The following KCNK5 variants were observed in gnomAD, a reference collection of about 807,000 sequenced individuals.
KCNK5 encodes the protein potassium channel subfamily K member 5.
A neutral mutation model predicts 32.9 loss-of-function variants in KCNK5; 18 were observed. That is an observed-to-expected ratio of 0.55 (90% confidence interval 0.38 to 0.81). KCNK5 has a LOEUF of 0.81. Ranked by LOEUF, KCNK5 falls within the 30% of genes least tolerant of loss-of-function variation. The pLI is 0.00. For synonymous variants in KCNK5, 276 were observed against 275.3 expected (o/e 1.00, Z -0.03); for missense variants, 507 against 651.0 (o/e 0.78, Z 2.41).
At position 39,191,751 on chromosome 6, in the gene KCNK5, C is replaced by T. The variant is rs779431095; in HGVS notation, c.639G>A (p.Val213=). The change falls in exon 5 of 5, where the codon GTG becomes GTA. Residue 213 remains valine, a synonymous_variant. Coordinates refer to ENST00000359534, the MANE Select transcript of KCNK5 (RefSeq NM_003740.4). The surrounding 1 kb of genome is among the most constrained non-coding windows in gnomAD (Gnocchi z 5.8). ...GGGCGTGGTAGTTGGCGCTGGGGTT[C>T]ACACCTGAGCGGACAGGCAGTCCAG... ...TIGFGDFVAG[V]NPSANYHALY... The T allele has an allele frequency of 9.3e-6, 15 of 1,609,528 alleles. No homozygotes were observed. The African/African-American group carries it at 1.7e-4, about 19-fold the overall frequency.
Position 39,191,178 on chromosome 6 carries a change from T to C in KCNK5, c.1212A>G (p.Pro404=). The change falls in exon 5 of 5, where the codon CCA becomes CCG. Residue 404 remains proline, a synonymous_variant. Transcript: ENST00000359534. This position sits in a 1 kb window ranked among gnomAD's most constrained non-coding sequence, Gnocchi z 5.8. The stretch of plus-strand genomic sequence containing the variant: ...GTGGGTGGTAGTCCTGGGCGTCCCA[T>C]GGCTCGCATTCCTCGCTGATGCGGT... The part of the protein sequence containing the change: ...QLDRISEECE[P]WDAQDYHPLI... The C allele has an allele frequency of 1.2e-6, 2 of 1,614,222 alleles. No homozygotes were observed. The highest frequency in any genetic ancestry group is 1.7e-6 in the Non-Finnish European group (2 of 1,180,026).
chr6:39,223,062 G>A (rs12526185), intron 1 of KCNK5, among the ~76,000 whole-genome samples: 6,069 of 152,240 alleles, frequency 0.04, 166 homozygotes, highest in South Asian at 0.098. Context: ...TTCAGTTGAC[G>A]TTCTCTCTGT....
At chr6:39,221,931 A>G (rs1252059602) in intron 1 of KCNK5, among the ~76,000 whole-genome samples, 3 of 152,150 alleles carry the variant, frequency 2.0e-5, no homozygotes, top group Non-Finnish European at 2.9e-5. Context: ...CCTCAGCTGC[A>G]CTGATCTCCA....
At chr6:39,205,983 C>T (rs535669189) in intron 1 of KCNK5, among the ~76,000 whole-genome samples, 28 of 152,350 alleles carry the variant, frequency 1.8e-4, no homozygotes, top group African/African-American at 6.5e-4. Context: ...GCACCTCTCA[C>T]ACCCATAACT....
intron 1 of KCNK5, among the ~76,000 whole-genome samples, chr6:39,227,610 G>T (rs1007322675): frequency 1.3e-5 from 2 of 152,112 alleles, no homozygotes; most frequent in Admixed American, 1.3e-4. Context: ...GGACCCCTTG[G>T]AGGACAAGTC....
chr6:39,202,622 A>G (rs2815109), intron 1 of KCNK5, among the ~76,000 whole-genome samples: 133,876 of 152,208 alleles, frequency 0.88, 59,317 homozygotes, highest in East Asian at 0.96. Context: ...GAGGGCAGTA[A>G]ATGTACCGAG....
chr6:39,211,415 C>T (rs1332512298), intron 1 of KCNK5, among the ~76,000 whole-genome samples: 4 of 152,160 alleles, frequency 2.6e-5, no homozygotes, highest in Admixed American at 6.5e-5. Flanking sequence ...CCAGGGGGTG[C>T]GCTCGCCTCG....
At chr6:39,223,460 A>G (rs1012171727) in intron 1 of KCNK5, among the ~76,000 whole-genome samples, 16 of 152,194 alleles carry the variant, frequency 1.1e-4, no homozygotes, top group Non-Finnish European at 1.6e-4. Flanking sequence ...TCTCAAAGAG[A>G]TTCGCTTCCA....
Position 39,194,807 on chromosome 6 carries a change from C to A in KCNK5, c.299-47G>T. The A allele has an allele frequency of 6.4e-7, 1 of 1,569,556 alleles. No individual in the cohort carries two copies. Among genetic ancestry groups the A allele is most frequent in the Non-Finnish European group, 8.8e-7 (1 of 1,142,766 alleles). ...CCAAGAACAGGAGGGGTGGTCAAAC[C>A]AGTGGGCCTTGCTTCCAACACACAC... is the stretch of plus-strand genomic sequence containing the variant. On this transcript the variant is annotated intron_variant, in intron 2 of 4. Transcript: ENST00000359534. This position sits in a 1 kb window ranked among gnomAD's most constrained non-coding sequence, Gnocchi z 4.7.
intron 1 of KCNK5, among the ~76,000 whole-genome samples, chr6:39,197,035 A>G (rs747599275): frequency 1.3e-5 from 2 of 152,150 alleles, no homozygotes; most frequent in Non-Finnish European, 2.9e-5. Context: ...CCCAGAAGTC[A>G]CATAAGAAGG....
rs145388113 is a variant in KCNK5, at chr6:39,191,428, G to A, written c.962C>T (p.Thr321Met). 16 of 1,612,434 alleles carry A rather than the reference G, an allele frequency of 9.9e-6. No homozygotes were observed. The highest frequency in any genetic ancestry group is 8.0e-5 in the African/African-American group (6 of 74,834). ...KAMKTSGGGE[T>M]GPGPGLGPQG... ...AGGCCCCAGCCCTGGGCCCGGGCCC[G>A]TCTCCCCACCCCCGCTTGTCTTCAT... is the stretch of plus-strand genomic sequence containing the variant. Residue 321 changes from threonine (T) to methionine (M), a missense_variant, in exon 5 of 5, where the codon ACG becomes ATG. Transcript: ENST00000359534. This position sits in a 1 kb window ranked among gnomAD's most constrained non-coding sequence, Gnocchi z 5.8.
chr6:39,220,434 G>A (rs1376637432), intron 1 of KCNK5, among the ~76,000 whole-genome samples: 1 of 152,196 alleles, frequency 6.6e-6, no homozygotes, highest in Non-Finnish European at 1.5e-5. Flanking sequence ...TGAGGGCCCA[G>A]CTCTGATCCC....
At chr6:39,211,531 A>G (rs1051741537) in intron 1 of KCNK5, among the ~76,000 whole-genome samples, 2 of 152,360 alleles carry the variant, frequency 1.3e-5, no homozygotes, top group South Asian at 2.1e-4. Context: ...GTTCTGGCCC[A>G]ATACTCTAGT....
rs1337652136 is a variant in KCNK5, at chr6:39,194,048, C to T, written c.634+121G>A. ...GCAAATGGCAGAGTGGGTTGAGAAT[C>T]CCACTGGGTAAGAGAAGTGCCCAGA... On this transcript the variant is annotated intron_variant, in intron 4 of 4. Coordinates refer to ENST00000359534, the MANE Select transcript of KCNK5 (RefSeq NM_003740.4). The surrounding 1 kb of genome is among the most constrained non-coding windows in gnomAD (Gnocchi z 4.7). 2.7e-5 allele frequency: 28 copies of T among 1,052,630 alleles called. No homozygotes were observed. The highest frequency in any genetic ancestry group is 3.9e-5 in the Non-Finnish European group (27 of 696,934). The allele number at this position is 1,052,630 out of a possible 1,614,324, so 65.2% of individuals were successfully genotyped here. A position where few individuals can be genotyped will look rare whatever the true frequency, so the allele number is the denominator to read the frequency against.
chr6:39,206,099 A>G (rs1771220036), intron 1 of KCNK5, among the ~76,000 whole-genome samples: 1 of 152,188 alleles, frequency 6.6e-6, no homozygotes, highest in Admixed American at 6.5e-5. Context: ...GAGGCTAGAA[A>G]GATGGTGAAG....
intron 1 of KCNK5, among the ~76,000 whole-genome samples, chr6:39,226,772 A>T (rs1170504917): frequency 3.3e-5 from 5 of 152,336 alleles, no homozygotes; most frequent in African/African-American, 1.2e-4. Context: ...AAATGCTTCT[A>T]CTTGTCCATT....
At chr6:39,228,407 T>TG (rs904343707) in intron 1 of KCNK5, among the ~76,000 whole-genome samples, 2 of 151,788 alleles carry the variant, frequency 1.3e-5, no homozygotes, top group Non-Finnish European at 2.9e-5. Context: ...GGAACTCTGC[T>TG]GGGGGCGGAA....
Position 39,190,595 on chromosome 6 carries a change from G to T in KCNK5, c.*295C>A. Reference sequence around the variant, plus strand: ...GACCCTGCAGGCAAGGCCTCCTCAGGGTCAGTCCTGCCCACCTGTCCCGCC... The same window carrying T: ...GACCCTGCAGGCAAGGCCTCCTCAGTGTCAGTCCTGCCCACCTGTCCCGCC... On this transcript the variant is annotated 3_prime_UTR_variant, in exon 5 of 5. Transcript: ENST00000359534. 3.4e-6 allele frequency: 1 copy of T among 293,722 alleles called. No homozygotes were observed. 18.2% of individuals were successfully genotyped at this position (293,722 alleles called of 1,614,324 possible).
At chr6:39,226,643 AAAG>A (rs1771676283) in intron 1 of KCNK5, among the ~76,000 whole-genome samples, 1 of 152,178 alleles carries the variant, frequency 6.6e-6, no homozygotes, top group African/African-American at 2.4e-5. Flanking sequence ...GCCAGATGGG[AAAG>A]AAGATTTTTG....
Sources: allele counts gnomAD v4.1 joint callset (sites outside exome capture counted in the v4.1 genomes callset), GRCh38; gene constraint gnomAD v4.1.1; non-coding constraint Gnocchi (gnomAD v3.1); transcripts MANE v1.5; gene names NCBI Gene and HGNC (gene_info 2026-07-23, HGNC 2026-07-21).